PVT1: variants seen among roughly 807,000 people sequenced by gnomAD.
PVT1 encodes Pvt1 oncogene.
intron 4 of PVT1, among the ~76,000 whole-genome samples, chr8:128,035,251 T>G (rs914269569): frequency 1.3e-5 from 2 of 152,178 alleles, no homozygotes; most frequent in Non-Finnish European, 1.5e-5. Context: ...GGCCTGCTAT[T>G]TAGGCTGCAA....
At chr8:127,844,783 G>T (rs1287730828) in intron 2 of PVT1, among the ~76,000 whole-genome samples, 2 of 151,678 alleles carry the variant, frequency 1.3e-5, no homozygotes, top group Non-Finnish European at 2.9e-5. Flanking sequence ...GCACGATCTC[G>T]GCTCACTGCA....
At chr8:128,031,370 A>G (rs975947393) in intron 4 of PVT1, among the ~76,000 whole-genome samples, 2 of 152,244 alleles carry the variant, frequency 1.3e-5, no homozygotes, top group African/African-American at 4.8e-5. Context: ...AAAGCGACCC[A>G]GGAAACTGCC....
chr8:127,903,583 TGTTGA>T (rs942947273), intron 3 of PVT1, among the ~76,000 whole-genome samples: 3 of 152,214 alleles, frequency 2.0e-5, no homozygotes, highest in African/African-American at 7.2e-5. Context: ...CTTTAATCCA[TGTTGA>T]GTTATTTTTT....
At chr8:127,983,159 C>T (rs998002730) in intron 3 of PVT1, among the ~76,000 whole-genome samples, 4 of 152,140 alleles carry the variant, frequency 2.6e-5, no homozygotes, top group African/African-American at 9.7e-5. Context: ...GGGGTCAAAT[C>T]CCAGCTCACC....
At chr8:127,899,078 G>T (rs1815726887) in intron 3 of PVT1, among the ~76,000 whole-genome samples, 2 of 152,216 alleles carry the variant, frequency 1.3e-5, no homozygotes, top group South Asian at 4.1e-4. Context: ...CCAGCTCTCA[G>T]CTTTCTGCTC....
At chr8:127,845,783 TCCTGTTTTC>T (rs548665979) in intron 2 of PVT1, among the ~76,000 whole-genome samples, 29 of 152,308 alleles carry the variant, frequency 1.9e-4, no homozygotes, top group African/African-American at 6.7e-4. Flanking sequence ...GAACAGAGTG[TCCTGTTTTC>T]CCATCCACAG....
chr8:127,832,218 G>A (rs545914781), intron 2 of PVT1, among the ~76,000 whole-genome samples: 7 of 152,188 alleles, frequency 4.6e-5, no homozygotes, highest in Admixed American at 3.3e-4. Context: ...GCTAGATTGT[G>A]AACCCAGTGA....
intron 5 of PVT1, among the ~76,000 whole-genome samples, chr8:128,077,487 A>G (rs1407558873): frequency 1.3e-5 from 2 of 152,082 alleles, no homozygotes; most frequent in East Asian, 1.9e-4. Flanking sequence ...CCTGTTTTAT[A>G]TGGAAAAAAA....
At chr8:128,085,643 T>G (rs1340678699) in intron 5 of PVT1, among the ~76,000 whole-genome samples, 4 of 152,240 alleles carry the variant, frequency 2.6e-5, no homozygotes, top group African/African-American at 9.6e-5. Context: ...AAACTTAAGA[T>G]GCTTTCATTT....
At chr8:127,914,507 A>C (rs1286262045) in intron 3 of PVT1, among the ~76,000 whole-genome samples, 1 of 152,174 alleles carries the variant, frequency 6.6e-6, no homozygotes. Flanking sequence ...AAAAGCTTTT[A>C]CAGGCATGTG....
At position 128,087,747 on chromosome 8, in the gene PVT1, C is replaced by CTTTT. The variant is rs71568675; in HGVS notation, n.1115-8751_1115-8748dup. On this transcript the variant is annotated intron_variant and non_coding_transcript_variant, in intron 5 of 10. Coordinates refer to ENST00000651587, the Ensembl canonical transcript of PVT1. ...CTCTGCTGACATTCCTGATGTGCTA[C>CTTTT]TTTTTTTTTTTTTTTTTTTTTTTGA... is the stretch of plus-strand genomic sequence containing the variant. 9.0e-4 allele frequency among the ~76,000 whole-genome samples: 69 copies of CTTTT among 76,584 alleles called. 1 individual carries two copies. The highest frequency in any genetic ancestry group is 1.9e-3 in the East Asian group (5 of 2,664). The allele number at this position is 76,584 out of a possible 152,430, so 50.2% of individuals were successfully genotyped here. A position where few individuals can be genotyped will look rare whatever the true frequency, so the allele number is the denominator to read the frequency against.
At chr8:127,857,052 C>T (rs907798863) in intron 2 of PVT1, among the ~76,000 whole-genome samples, 1 of 152,010 alleles carries the variant, frequency 6.6e-6, no homozygotes, top group Non-Finnish European at 1.5e-5. Context: ...ATGGCGAAAC[C>T]CTGTCTCTGC....
intron 2 of PVT1, among the ~76,000 whole-genome samples, chr8:127,841,693 G>T (rs1271955439): frequency 1.3e-5 from 2 of 151,880 alleles, no homozygotes; most frequent in Non-Finnish European, 2.9e-5. Flanking sequence ...GCAATTTTGT[G>T]CCTCATCATC....
intron 3 of PVT1, among the ~76,000 whole-genome samples, chr8:127,984,677 G>C (rs1816923846): frequency 6.6e-6 from 1 of 152,038 alleles, no homozygotes; most frequent in Non-Finnish European, 1.5e-5. Context: ...TACAATCTCA[G>C]CTCACTGCAA....
chr8:127,952,024 C>T (rs1449127859), intron 3 of PVT1, among the ~76,000 whole-genome samples: 1 of 152,126 alleles, frequency 6.6e-6, no homozygotes, highest in African/African-American at 2.4e-5. Context: ...CCACATTGGC[C>T]AGGCTGCTCT....
intron 3 of PVT1, among the ~76,000 whole-genome samples, chr8:127,952,884 C>A (rs564557415): frequency 1.0e-3 from 155 of 152,226 alleles, no homozygotes; most frequent in Non-Finnish European, 1.4e-3. Flanking sequence ...CCTGCCTCAG[C>A]CTCCCAAGTA....
At chr8:128,038,028 G>A (rs1480446821) in intron 4 of PVT1, among the ~76,000 whole-genome samples, 1 of 152,090 alleles carries the variant, frequency 6.6e-6, no homozygotes, top group Non-Finnish European at 1.5e-5. Context: ...TTCCTGATCT[G>A]GGTCACCAGG....
intron 3 of PVT1, among the ~76,000 whole-genome samples, chr8:127,955,610 A>C (rs1371154829): frequency 1.3e-5 from 2 of 148,572 alleles, no homozygotes; most frequent in Non-Finnish European, 3.0e-5. Flanking sequence ...CCTTCCCGAG[A>C]CAGTCTCTGT....
chr8:127,986,942 T>G (rs1816976867), intron 3 of PVT1, among the ~76,000 whole-genome samples: 1 of 152,156 alleles, frequency 6.6e-6, no homozygotes, highest in African/African-American at 2.4e-5. Flanking sequence ...CCCCAGCCCC[T>G]TACAAGGAGG....
Sources: gnomAD v4.1 joint callset for allele counts (sites outside exome capture counted in the v4.1 genomes callset) on GRCh38, gnomAD v4.1.1 for gene constraint, MANE v1.5 for transcripts, NCBI Gene and HGNC (gene_info 2026-07-23, HGNC 2026-07-21) for gene names.